The following TRPM3 variants were observed in gnomAD, a reference collection of about 807,000 sequenced individuals.
The protein encoded by TRPM3 is long transient receptor potential channel 3.
Under a neutral mutation model 181.2 loss-of-function variants are expected in TRPM3, and 77 were observed. The ratio of observed to expected loss-of-function variants is 0.42; its 90% confidence interval spans 0.35 to 0.51. The LOEUF (loss-of-function observed/expected upper bound fraction) is 0.51. Among genes scored for constraint, TRPM3 ranks in the 20% least tolerant of loss-of-function variants. The pLI, the probability that TRPM3 is intolerant of heterozygous loss-of-function variation, is 0.01. For synonymous variants in TRPM3, 745 were observed against 796.4 expected, an observed-to-expected ratio of 0.94 and a Z score of 1.09; for missense variants, 1,759 against 2,196.7, an observed-to-expected ratio of 0.80 and a Z score of 3.98.
At chr9:71,118,822 G>A (rs2073008730) in intron 1 of TRPM3, among the ~76,000 whole-genome samples, 1 of 151,998 alleles carries the variant, frequency 6.6e-6, no homozygotes, top group Non-Finnish European at 1.5e-5. Flanking sequence ...GGGGGAGGAA[G>A]GGAGGGAGGA....
intron 6 of TRPM3, among the ~76,000 whole-genome samples, chr9:70,792,626 C>T (rs2085758717): frequency 6.8e-6 from 1 of 146,686 alleles, no homozygotes; most frequent in Non-Finnish European, 1.5e-5. Context: ...CAAAGGGAGA[C>T]AGGAGAGAGA....
chr9:70,761,861 G>T, intron 7 of TRPM3, 137 bp from the exon 8 acceptor site: 2 of 1,013,936 alleles, frequency 2.0e-6, no homozygotes, highest in South Asian at 2.2e-5. Context: ...CTCACAAAAG[G>T]TATCCCGCCT....
intron 25 of TRPM3, among the ~76,000 whole-genome samples, chr9:70,547,767 G>T (rs2045405911): frequency 6.6e-6 from 1 of 152,108 alleles, no homozygotes; most frequent in Admixed American, 6.5e-5. Flanking sequence ...TCTGAGAGTT[G>T]CTCACCTTGG....
intron 1 of TRPM3, chr9:70,865,457 T>A (rs2095630150): frequency 6.6e-6 from 1 of 152,164 alleles, no homozygotes; most frequent in African/African-American, 2.4e-5. Flanking sequence ...TATTTCTACA[T>A]GGCATCATCT....
In TRPM3 at chr9:70,763,742, G is replaced by A. The variant is rs558742885; in HGVS notation, c.1149-2018C>T. ...TATATATGCACTCCCAGCCTTCAATGAGCTTATGCACCAGTGGAGTAGAAA... is the reference window on the plus strand; with the variant it reads ...TATATATGCACTCCCAGCCTTCAATAAGCTTATGCACCAGTGGAGTAGAAA... On this transcript the variant is annotated intron_variant, in intron 7 of 25. Transcript: ENST00000677713. Among the ~76,000 whole-genome samples the A allele has an allele frequency of 2.0e-5, 3 of 152,264 alleles. No homozygotes were observed. In the South Asian group the frequency reaches 6.2e-4, roughly 32 times the overall value.
chr9:70,898,569 G>A (rs1308689834), intron 1 of TRPM3, among the ~76,000 whole-genome samples: 1 of 150,394 alleles, frequency 6.6e-6, no homozygotes, highest in Non-Finnish European at 1.5e-5. Flanking sequence ...CCAACATAAT[G>A]AAACCCCGTC....
intron 1 of TRPM3, among the ~76,000 whole-genome samples, chr9:71,326,194 C>T (rs1223615603): frequency 2.6e-5 from 4 of 152,122 alleles, no homozygotes; most frequent in Non-Finnish European, 1.5e-5. Flanking sequence ...CAGAATGATG[C>T]TATCTTGTAG....
chr9:70,958,708 G>GT (rs2097105254), intron 1 of TRPM3, among the ~76,000 whole-genome samples: 1 of 151,920 alleles, frequency 6.6e-6, no homozygotes, highest in East Asian at 1.9e-4. Flanking sequence ...ACATGCACAC[G>GT]TATGTTTATT....
chr9:71,308,656 G>C (rs906875349), intron 1 of TRPM3, among the ~76,000 whole-genome samples: 1 of 152,012 alleles, frequency 6.6e-6, no homozygotes, highest in Non-Finnish European at 1.5e-5. Flanking sequence ...AAAGTAATGG[G>C]GGTTTTTTGA....
chr9:70,967,395 T>C (rs969854719), intron 1 of TRPM3, among the ~76,000 whole-genome samples: 3 of 151,850 alleles, frequency 2.0e-5, no homozygotes, highest in African/African-American at 7.3e-5. Context: ...TAAATATGTT[T>C]TTTTTTAAAT....
Position 70,625,015 on chromosome 9 carries a change from T to A in TRPM3, c.1809+176A>T, listed in dbSNP as rs928547906. On this transcript the variant is annotated intron_variant, in intron 14 of 25. Transcript: ENST00000677713. This position sits in a 1 kb window ranked among gnomAD's most constrained non-coding sequence, Gnocchi z 4.8. ...CCCAAAACCTGGAAAACTGCTGAGT[T>A]TAATAATCTCAATGATAAGATTAAT... 3.3e-5 allele frequency among the ~76,000 whole-genome samples: 5 copies of A among 152,234 alleles called. No homozygotes were observed. Among genetic ancestry groups the A allele is most frequent in the African/African-American group, 1.2e-4 (5 of 41,454 alleles).
intron 1 of TRPM3, among the ~76,000 whole-genome samples, chr9:71,192,468 G>A (rs1418417925): frequency 6.6e-6 from 1 of 151,856 alleles, no homozygotes. Context: ...AGTATGAGCT[G>A]ATATCTCATT....
At chr9:70,746,968 C>G (rs757051145) in intron 8 of TRPM3, among the ~76,000 whole-genome samples, 3 of 152,108 alleles carry the variant, frequency 2.0e-5, no homozygotes, top group African/African-American at 4.8e-5. Context: ...TTTATGACTC[C>G]CTAAGGAGCT....
At chr9:70,584,387 G>T (rs1312640160) in intron 22 of TRPM3, among the ~76,000 whole-genome samples, 2 of 152,018 alleles carry the variant, frequency 1.3e-5, no homozygotes, top group Admixed American at 1.3e-4. Context: ...TCACTCTTGT[G>T]CAAAAAACCC....
intron 22 of TRPM3, among the ~76,000 whole-genome samples, chr9:70,588,260 A>T (rs752572032): frequency 4.6e-5 from 7 of 152,182 alleles, no homozygotes; most frequent in Non-Finnish European, 8.8e-5. Context: ...AAATAACAGA[A>T]GAAAAGGTGG....
chr9:71,372,494 G>C (rs1039015854), intron 1 of TRPM3, among the ~76,000 whole-genome samples: 2 of 152,086 alleles, frequency 1.3e-5, no homozygotes, highest in African/African-American at 4.8e-5. Flanking sequence ...ACCAGCACCT[G>C]TTTTTGGCTT....
rs142583981 is a variant in TRPM3, at chr9:70,814,015, G to A, written c.973+13832C>T. On this transcript the variant is annotated intron_variant, in intron 6 of 25. Transcript: ENST00000677713. ...CTACAGTGCCTTGAGCATTACAGAT[G>A]CACCAGCAAATACAGTAGAGAAAGC... 1.1e-4 allele frequency among the ~76,000 whole-genome samples: 17 copies of A among 152,282 alleles called. 1 individual carries two copies. The East Asian group carries it at 3.3e-3, about 29-fold the overall frequency.
intron 1 of TRPM3, among the ~76,000 whole-genome samples, chr9:71,294,670 G>A (rs1588342526): frequency 6.6e-6 from 1 of 152,176 alleles, no homozygotes; most frequent in East Asian, 1.9e-4. Flanking sequence ...AGGTGTACTA[G>A]GAGACATGAG....
At chr9:71,297,515 C>A (rs1481839339) in intron 1 of TRPM3, among the ~76,000 whole-genome samples, 1 of 152,126 alleles carries the variant, frequency 6.6e-6, no homozygotes, top group Non-Finnish European at 1.5e-5. Context: ...ACACGTCCTT[C>A]TTCACATGGT....
Sources: allele counts gnomAD v4.1 joint callset (sites outside exome capture counted in the v4.1 genomes callset), GRCh38; gene constraint gnomAD v4.1.1; non-coding constraint Gnocchi (gnomAD v3.1); transcripts MANE v1.5; gene names NCBI Gene and HGNC (gene_info 2026-07-23, HGNC 2026-07-21).